Variants in CDH18 observed in about 807,000 individuals in gnomAD.
CDH18 encodes the protein cadherin-18.
CDH18 carries 31 observed loss-of-function variants against 67.9 expected under a neutral mutation model. That is an observed-to-expected ratio of 0.46 (90% CI 0.34 to 0.62). CDH18 has a LOEUF of 0.62. Among genes scored for constraint, CDH18 ranks in the 20% least tolerant of loss-of-function variants. The probability of loss-of-function intolerance (pLI) is 0.01; values close to 1 mark genes in which losing one functional copy is unlikely to be tolerated. For missense variants in CDH18, 890 were observed against 975.5 expected, an observed-to-expected ratio of 0.91 and a Z score of 1.17; for synonymous variants, 362 against 347.2, an observed-to-expected ratio of 1.04 and a Z score of -0.48.
chr5:20,155,933 A>ATATTTGTATATTTG (rs1483455656), intron 2 of CDH18, among the ~76,000 whole-genome samples: 1 of 152,108 alleles, frequency 6.6e-6, no homozygotes, highest in Non-Finnish European at 1.5e-5. Context: ...ATTGACACAT[A>ATATTTGTATATTTG]TCTATTTTCC....
At chr5:19,980,882 C>G (rs746962608) in intron 2 of CDH18, among the ~76,000 whole-genome samples, 178 bp downstream of exon 2, 2 of 152,128 alleles carry the variant, frequency 1.3e-5, no homozygotes, top group Non-Finnish European at 2.9e-5. Flanking sequence ...CTTCTCCTGC[C>G]CAACTTGATT....
intron 2 of CDH18, among the ~76,000 whole-genome samples, chr5:20,191,920 TGAG>T (rs1444159856): frequency 1.3e-5 from 2 of 152,116 alleles, no homozygotes; most frequent in East Asian, 3.9e-4. Context: ...TCTAGATCCT[TGAG>T]GAGGTGTCAT....
At chr5:19,713,590 A>T (rs955943902) in intron 5 of CDH18, among the ~76,000 whole-genome samples, 1 of 152,144 alleles carries the variant, frequency 6.6e-6, no homozygotes, top group Admixed American at 6.6e-5. Flanking sequence ...TGATGTCAAA[A>T]GGACACTATG....
At chr5:19,758,949 G>T (rs1353205924) in intron 3 of CDH18, among the ~76,000 whole-genome samples, 1 of 152,218 alleles carries the variant, frequency 6.6e-6, no homozygotes, top group Non-Finnish European at 1.5e-5. Context: ...AAGTCTCTCT[G>T]AATAAGATTA....
chr5:19,942,662 T>C (rs567285765), intron 2 of CDH18, among the ~76,000 whole-genome samples: 6 of 152,274 alleles, frequency 3.9e-5, no homozygotes, highest in Admixed American at 3.9e-4. Context: ...GTCACCCTTC[T>C]TATCTAATTT....
intron 1 of CDH18, among the ~76,000 whole-genome samples, chr5:20,297,764 A>C (rs1189698677): frequency 6.6e-6 from 1 of 152,172 alleles, no homozygotes; most frequent in African/African-American, 2.4e-5. Context: ...AGTTAGGGGG[A>C]TAGTGTGATC....
rs116572566 is a variant in CDH18, at chr5:19,642,174, A to G, written c.644-29573T>C. On this transcript the variant is annotated intron_variant, in intron 5 of 12. Coordinates refer to ENST00000382275, the MANE Select transcript of CDH18 (RefSeq NM_004934.5). ...AAAATTAAAAACATTGATGAAGGAA[A>G]TTAAATAGATAGATAAATGGAAAGA... is the stretch of plus-strand genomic sequence containing the variant. Among the ~76,000 whole-genome samples, 1,092 of 152,134 alleles carry G rather than the reference A, an allele frequency of 7.2e-3. 10 individuals are homozygous for G. The highest frequency in any genetic ancestry group is 0.051 in the Middle Eastern group (15 of 294).
intron 1 of CDH18, among the ~76,000 whole-genome samples, chr5:20,472,039 T>C (rs113189000): frequency 0.024 from 196 of 8,194 alleles, no homozygotes; most frequent in African/African-American, 0.073. Flanking sequence ...ACTGTGAATA[T>C]CGTATGAACA....
intron 6 of CDH18, among the ~76,000 whole-genome samples, chr5:19,596,544 G>A (rs770349311): frequency 1.2e-4 from 18 of 152,090 alleles, no homozygotes; most frequent in Non-Finnish European, 1.8e-4. Flanking sequence ...AACCAAAGAT[G>A]TCTTAGTTAA....
chr5:19,930,617 G>A (rs1305238442), intron 2 of CDH18, among the ~76,000 whole-genome samples: 1 of 151,920 alleles, frequency 6.6e-6, no homozygotes, highest in African/African-American at 2.4e-5. Flanking sequence ...ACACTTGTAC[G>A]TGAGAAGATA....
intron 2 of CDH18, among the ~76,000 whole-genome samples, chr5:20,132,674 A>G (rs1447776723): frequency 1.3e-5 from 2 of 152,072 alleles, no homozygotes; most frequent in African/African-American, 4.8e-5. Context: ...ATACATCTTT[A>G]GTTAATTAAT....
chr5:20,391,204 A>T (rs2150115744), intron 1 of CDH18, among the ~76,000 whole-genome samples: 1 of 152,220 alleles, frequency 6.6e-6, no homozygotes, highest in Non-Finnish European at 1.5e-5. Context: ...ACATAAAGAT[A>T]TATATAACAT....
chr5:19,659,942 T>C (rs894651760), intron 5 of CDH18, among the ~76,000 whole-genome samples: 3 of 152,082 alleles, frequency 2.0e-5, no homozygotes, highest in Non-Finnish European at 4.4e-5. Context: ...AATTTATAAA[T>C]TATCAAGCTG....
At chr5:20,194,705 T>C (rs751554080) in intron 2 of CDH18, among the ~76,000 whole-genome samples, 9 of 151,984 alleles carry the variant, frequency 5.9e-5, no homozygotes, top group Non-Finnish European at 1.3e-4. Flanking sequence ...CATCTAGATG[T>C]AAGGAGAAAT....
chr5:19,643,901 A>C (rs1754381810), intron 5 of CDH18, among the ~76,000 whole-genome samples: 1 of 152,190 alleles, frequency 6.6e-6, no homozygotes, highest in Non-Finnish European at 1.5e-5. Context: ...GATCGTGATA[A>C]ATATTTCACA....
intron 2 of CDH18, among the ~76,000 whole-genome samples, chr5:19,842,323 G>A (rs887624873): frequency 1.3e-5 from 2 of 152,108 alleles, no homozygotes; most frequent in African/African-American, 4.8e-5. Context: ...TTTGGGAAAG[G>A]GACCTCATGG....
At chr5:20,165,106 T>G (rs1017583499) in intron 2 of CDH18, among the ~76,000 whole-genome samples, 1 of 151,864 alleles carries the variant, frequency 6.6e-6, no homozygotes, top group African/African-American at 2.4e-5. Flanking sequence ...CTAGGGAGAG[T>G]TATCTTAGGA....
At chr5:20,088,420 C>T (rs956089215) in intron 2 of CDH18, among the ~76,000 whole-genome samples, 1 of 152,120 alleles carries the variant, frequency 6.6e-6, no homozygotes, top group African/African-American at 2.4e-5. Flanking sequence ...GACAGTTTTG[C>T]TAGCAATTTA....
chr5:19,550,651 T>A (rs1387654286), intron 8 of CDH18, among the ~76,000 whole-genome samples: 1 of 152,234 alleles, frequency 6.6e-6, no homozygotes, highest in Non-Finnish European at 1.5e-5. Flanking sequence ...ATTTTCTTAA[T>A]CCAGTCTATC....
Sources: gnomAD v4.1 joint callset for allele counts (sites outside exome capture counted in the v4.1 genomes callset) on GRCh38, gnomAD v4.1.1 for gene constraint, MANE v1.5 for transcripts, NCBI Gene and HGNC (gene_info 2026-07-23, HGNC 2026-07-21) for gene names.